Variants in REC114 observed in about 807,000 individuals in gnomAD.
REC114 encodes the protein REC114 meiotic recombination protein.
Under a neutral mutation model 31.3 loss-of-function variants are expected in REC114, and 27 were observed. That is an observed-to-expected ratio of 0.86 (90% confidence interval 0.64 to 1.19). The LOEUF (loss-of-function observed/expected upper bound fraction) is 1.19. Ranked by LOEUF, REC114 falls within the 50% of genes most tolerant of loss-of-function variation. REC114 has a pLI of 0.00. For synonymous variants in REC114, 134 were observed against 127.7 expected, an observed-to-expected ratio of 1.05 and a Z score of -0.33; for missense variants, 344 against 326.9, an observed-to-expected ratio of 1.05 and a Z score of -0.40.
chr15:73,464,126 A>G (rs1893025490), intron 1 of REC114, among the ~76,000 whole-genome samples: 1 of 151,656 alleles, frequency 6.6e-6, no homozygotes, highest in African/African-American at 2.4e-5. Flanking sequence ...CTGGATCTGA[A>G]TCTTTGCTCC....
chr15:73,535,106 T>C (rs1894136374), intron 2 of REC114, among the ~76,000 whole-genome samples: 1 of 140,440 alleles, frequency 7.1e-6, no homozygotes, highest in African/African-American at 2.8e-5. Flanking sequence ...AGCATTCCCT[T>C]TGAAAACTGG....
intron 1 of REC114, among the ~76,000 whole-genome samples, chr15:73,456,033 G>C (rs1043654888): frequency 2.6e-5 from 4 of 152,144 alleles, no homozygotes; most frequent in Admixed American, 1.3e-4. Context: ...AAGGCAATCA[G>C]ATTCATAATG....
At chr15:73,494,910 C>T (rs989749026) in intron 2 of REC114, among the ~76,000 whole-genome samples, 8 of 152,140 alleles carry the variant, frequency 5.3e-5, no homozygotes, top group Admixed American at 2.6e-4. Context: ...GATAGGGACC[C>T]GAAGGGCTTA....
At chr15:73,508,532 G>A (rs1335424141) in intron 2 of REC114, among the ~76,000 whole-genome samples, 1 of 148,096 alleles carries the variant, frequency 6.8e-6, no homozygotes, top group Non-Finnish European at 1.5e-5. Flanking sequence ...CCATGCTGGT[G>A]AGCTGCACCC....
intron 1 of REC114, among the ~76,000 whole-genome samples, chr15:73,467,728 G>A (rs935317874): frequency 2.2e-4 from 33 of 152,130 alleles, no homozygotes; most frequent in African/African-American, 7.7e-4. Flanking sequence ...GAGAATTAGT[G>A]TCTGTACTAA....
intron 3 of REC114, among the ~76,000 whole-genome samples, chr15:73,547,570 A>G (rs1290905919): frequency 1.3e-5 from 2 of 152,178 alleles, no homozygotes; most frequent in African/African-American, 2.4e-5. Flanking sequence ...AAGGAAATCA[A>G]TGTATCAGGA....
rs541286356 is a variant in REC114 at position 73,524,369 on chromosome 15, G to A, written c.250-16116G>A. 2.4e-4 allele frequency among the ~76,000 whole-genome samples: 36 copies of A among 152,306 alleles called. No individual in the cohort carries two copies. The South Asian group carries it at 7.5e-3, about 32-fold the overall frequency. On this transcript the variant is annotated intron_variant, in intron 2 of 5. Transcript: ENST00000331090. ...GACAATGTTGAAGATAAAGCCCATA[G>A]TGGCAGACAATCCACATCAGTTTGC...
rs111542766 is a variant in REC114, at chr15:73,453,257, A to C, written c.159+9913A>C. 3.7e-3 allele frequency among the ~76,000 whole-genome samples: 558 copies of C among 152,338 alleles called. 7 individuals carry two copies. In the East Asian group the frequency reaches 0.054, roughly 15 times the overall value. ...CAGCTGACAGAGGGCTAATATCCAG[A>C]ATCTACAAAGAATTTAAACAAATTT... On this transcript the variant is annotated intron_variant, in intron 1 of 5. Transcript: ENST00000331090.
chr15:73,556,340 A>G lies in REC114; in HGVS notation c.585A>G (p.Thr195=). ...CAGAACAACAGCAAGTGTGTGTAAC[A>G]GCGGGCACAGGCGCTCCAGACGGAA... ...QHSEQQQVCV[T]AGTGAPDGRT... The change falls in exon 5 of 6, where the codon ACA becomes ACG. Residue 195 remains threonine (T), a synonymous_variant. Coordinates refer to ENST00000331090, the MANE Select transcript of REC114 (RefSeq NM_001042367.2). The G allele has an allele frequency of 1.2e-6, 2 of 1,613,860 alleles. No homozygotes were observed. Among genetic ancestry groups the G allele is most frequent in the African/African-American group, 1.3e-5 (1 of 75,054 alleles).
intron 1 of REC114, among the ~76,000 whole-genome samples, chr15:73,445,212 T>A (rs1174044245): frequency 1.3e-5 from 2 of 152,230 alleles, no homozygotes; most frequent in Non-Finnish European, 2.9e-5. Flanking sequence ...AGAGTCAGCC[T>A]GCCCTTTGAA....
chr15:73,491,409 A>G (rs1383490070), intron 2 of REC114, among the ~76,000 whole-genome samples: 2 of 151,408 alleles, frequency 1.3e-5, no homozygotes, highest in South Asian at 2.1e-4. Flanking sequence ...TCATCTATTA[A>G]CCTGTTGGAT....
intron 2 of REC114, chr15:73,483,603 T>G (rs1893324811): frequency 6.6e-6 from 1 of 152,414 alleles, no homozygotes; most frequent in African/African-American, 2.4e-5. Flanking sequence ...GTCCTTAGGG[T>G]TTGCCACGAC....
At chr15:73,489,043 A>T (rs1261424627) in intron 2 of REC114, among the ~76,000 whole-genome samples, 1 of 152,142 alleles carries the variant, frequency 6.6e-6, no homozygotes, top group Non-Finnish European at 1.5e-5. Flanking sequence ...GAAAATCCAG[A>T]TCAAGGCACC....
chr15:73,542,112 C>T (rs915152638), intron 3 of REC114, among the ~76,000 whole-genome samples: 3 of 151,854 alleles, frequency 2.0e-5, no homozygotes, highest in Non-Finnish European at 4.4e-5. Context: ...AGGTGGATCA[C>T]CTGAAATCAG....
At chr15:73,540,697 T>C (rs1894225830) in intron 3 of REC114, 129 bp downstream of exon 3, 4 of 802,032 alleles carry the variant, frequency 5.0e-6, no homozygotes, top group East Asian at 2.5e-5. Context: ...AGGTTTGTAC[T>C]ATGAGAAAAA....
chr15:73,476,731 TGAA>T (rs1567860429), intron 2 of REC114, among the ~76,000 whole-genome samples: 1 of 152,238 alleles, frequency 6.6e-6, no homozygotes, highest in African/African-American at 2.4e-5. Flanking sequence ...TTTTCATTAA[TGAA>T]GAATATTCCA....
At chr15:73,502,287 T>C (rs892739356) in intron 2 of REC114, among the ~76,000 whole-genome samples, 21 of 152,280 alleles carry the variant, frequency 1.4e-4, no homozygotes, top group African/African-American at 4.8e-4. Context: ...GAGGATTAAA[T>C]TTCCATGGTA....
chr15:73,485,659 G>C (rs1347959606), intron 2 of REC114, among the ~76,000 whole-genome samples: 2 of 152,182 alleles, frequency 1.3e-5, no homozygotes, highest in Non-Finnish European at 2.9e-5. Flanking sequence ...ATAAGCTCCT[G>C]CTTCACCTTC....
chr15:73,493,464 C>T (rs1316892456), intron 2 of REC114, among the ~76,000 whole-genome samples: 1 of 151,832 alleles, frequency 6.6e-6, no homozygotes, highest in Admixed American at 6.6e-5. Flanking sequence ...TAAGTTTTCC[C>T]CTTTCATTTT....
Sources: allele counts gnomAD v4.1 joint callset (sites outside exome capture counted in the v4.1 genomes callset), GRCh38; gene constraint gnomAD v4.1.1; transcripts MANE v1.5; gene names NCBI Gene and HGNC (gene_info 2026-07-23, HGNC 2026-07-21).